Variants in ANKRD62 observed in about 807,000 individuals in gnomAD.
ANKRD62 encodes the protein ankyrin repeat domain 62.
Under a neutral mutation model 98.8 loss-of-function variants are expected in ANKRD62, and 61 were observed. That is an observed-to-expected ratio of 0.62 (90% CI 0.50 to 0.76). The LOEUF is 0.76. Ranked by LOEUF, ANKRD62 falls within the 30% of genes least tolerant of loss-of-function variation. The pLI is 0.00. For missense variants in ANKRD62, 933 were observed against 1,082.9 expected (o/e 0.86, Z 1.94); for synonymous variants, 341 against 367.9 (o/e 0.93, Z 0.84).
chr18:12,136,447 C>T, the ANKRD62 span, among the ~76,000 whole-genome samples: 15 of 152,144 alleles, frequency 9.9e-5, no homozygotes, highest in Non-Finnish European at 1.3e-4. Context: ...GTTACTGTAG[C>T]CTTGTAGCAT....
the ANKRD62 span, among the ~76,000 whole-genome samples, chr18:12,153,859 A>ACT: frequency 6.6e-6 from 1 of 152,232 alleles, no homozygotes; most frequent in South Asian, 2.1e-4. Flanking sequence ...ACTGGGGGAA[A>ACT]GATTCCCTAT....
chr18:12,151,678 C>G, the ANKRD62 span, among the ~76,000 whole-genome samples: 1 of 152,084 alleles, frequency 6.6e-6, no homozygotes, highest in Non-Finnish European at 1.5e-5. Context: ...AATAAATCAA[C>G]CTCACAGCTC....
At chr18:12,169,061 C>T in the ANKRD62 span, among the ~76,000 whole-genome samples, 3 of 152,084 alleles carry the variant, frequency 2.0e-5, no homozygotes, top group Admixed American at 6.6e-5. Flanking sequence ...TCTAAGTATA[C>T]GATCATGTCA....
At chr18:12,109,430 C>T (rs992724650) in intron 8 of ANKRD62, among the ~76,000 whole-genome samples, 12 of 152,276 alleles carry the variant, frequency 7.9e-5, no homozygotes, top group African/African-American at 1.7e-4. Context: ...TGCCATGTCC[C>T]GGGTCTGCAC....
the ANKRD62 span, among the ~76,000 whole-genome samples, chr18:12,157,195 C>T: frequency 6.6e-6 from 1 of 152,168 alleles, no homozygotes; most frequent in Admixed American, 6.5e-5. Context: ...TTCTGCTGGG[C>T]ACTTATTTCA....
At chr18:12,175,853 A>G in the ANKRD62 span, among the ~76,000 whole-genome samples, 1 of 151,922 alleles carries the variant, frequency 6.6e-6, no homozygotes, top group South Asian at 2.1e-4. Context: ...ATTCTCCCCC[A>G]ATAGTTCACT....
intron 6 of ANKRD62, chr18:12,102,655 G>A: frequency 1.1e-6 from 1 of 942,896 alleles, no homozygotes; most frequent in Non-Finnish European, 1.3e-6. Context: ...GTTGAAAAAT[G>A]AAATTTGTCA....
At chr18:12,117,731 A>G (rs1388033602) in intron 10 of ANKRD62, among the ~76,000 whole-genome samples, 1 of 152,108 alleles carries the variant, frequency 6.6e-6, no homozygotes, top group Non-Finnish European at 1.5e-5. Context: ...GATTCTGTGG[A>G]TCTACTGTTT....
Position 12,094,237 on chromosome 18 carries a change from T to C in ANKRD62, c.218+2T>C, listed in dbSNP as rs758164581. 1.3e-6 allele frequency: 2 copies of C among 1,519,724 alleles called. No homozygotes were observed. The highest frequency in any genetic ancestry group is 3.0e-5 in the African/African-American group (2 of 66,856). 94.1% of individuals were successfully genotyped at this position (1,519,724 alleles called of 1,614,324 possible). On this transcript the variant is annotated splice_donor_variant, in intron 1 of 13. Transcript: ENST00000587848. LOFTEE classifies it high-confidence loss of function. ...GAACGACAGGGACAAGAAGAACAGG[T>C]AAGGGGAACAGGAAGCCGGGAGGAG...
chr18:12,103,309 C>A, intron 7 of ANKRD62, 81 bp downstream of exon 7: 1 of 761,994 alleles, frequency 1.3e-6, no homozygotes, highest in South Asian at 6.0e-5. Flanking sequence ...TTGGACTAGC[C>A]TTTTAGAATC....
At chr18:12,153,483 T>C in the ANKRD62 span, among the ~76,000 whole-genome samples, 2 of 150,610 alleles carry the variant, frequency 1.3e-5, no homozygotes, top group African/African-American at 4.9e-5. Flanking sequence ...CCCCAGCTAC[T>C]CAGGAGGCTG....
chr18:12,102,952 C>T (rs377205050), intron 6 of ANKRD62, among the ~76,000 whole-genome samples: 78 of 152,222 alleles, frequency 5.1e-4, no homozygotes, highest in African/African-American at 1.8e-3. Flanking sequence ...CTGGTGACAT[C>T]TGGTGTCTTG....
chr18:12,122,523 C>T lies in ANKRD62; in HGVS notation c.1454+7C>T, dbSNP rs1477335769. ...AAAAGCTCTGTAATTTGAGGTATCA[C>T]ATTCTAGTTTTAAAGAAATATTTCA... On this transcript the variant is annotated splice_region_variant and intron_variant, in intron 11 of 13. Transcript: ENST00000587848. 6.7e-7 allele frequency: 1 copy of T among 1,503,108 alleles called. No homozygotes were observed. Among genetic ancestry groups the T allele is most frequent in the Non-Finnish European group, 8.8e-7 (1 of 1,135,840 alleles). 93.1% of individuals were successfully genotyped at this position (1,503,108 alleles called of 1,614,324 possible).
intron 13 of ANKRD62, among the ~76,000 whole-genome samples, chr18:12,126,809 T>C (rs1422998869): frequency 1.3e-5 from 2 of 152,246 alleles, no homozygotes; most frequent in Non-Finnish European, 2.9e-5. Context: ...ATTTCCCAGA[T>C]GAACTAAAGT....
chr18:12,096,735 G>C (rs1909191040), intron 4 of ANKRD62, among the ~76,000 whole-genome samples: 1 of 152,128 alleles, frequency 6.6e-6, no homozygotes, highest in African/African-American at 2.4e-5. Flanking sequence ...AATTAGAGTT[G>C]AAAATCATTT....
rs1441791269 is a variant in ANKRD62, at chr18:12,128,426, T to A, written c.*487T>A. 6.6e-6 allele frequency: 1 copy of A among 152,336 alleles called. No individual in the cohort carries two copies. Among genetic ancestry groups the A allele is most frequent in the Admixed American group, 6.5e-5 (1 of 15,282 alleles). 9.4% of individuals were successfully genotyped at this position (152,336 alleles called of 1,614,324 possible). A position where few individuals can be genotyped will look rare whatever the true frequency, so the allele number is the denominator to read the frequency against. ...ATATTGGTCTATAGTCAGAGTCATATGACTATGGACAGTTAGCATTTGCCA... is the reference window on the plus strand; with the variant it reads ...ATATTGGTCTATAGTCAGAGTCATAAGACTATGGACAGTTAGCATTTGCCA... On this transcript the variant is annotated 3_prime_UTR_variant, in exon 14 of 14. Coordinates refer to ENST00000587848, the MANE Select transcript of ANKRD62 (RefSeq NM_001277333.2).
At chr18:12,139,328 T>G in the ANKRD62 span, among the ~76,000 whole-genome samples, 1,040 of 152,254 alleles carry the variant, frequency 6.8e-3, 10 homozygotes, top group African/African-American at 0.024. Context: ...GATATGAAAT[T>G]CTGGGTTGAA....
intron 8 of ANKRD62, among the ~76,000 whole-genome samples, chr18:12,112,577 A>G (rs771171521): frequency 1.3e-5 from 2 of 152,248 alleles, no homozygotes; most frequent in Non-Finnish European, 2.9e-5. Flanking sequence ...GATGGATTAA[A>G]GATTTAACTG....
chr18:12,162,381 C>T, the ANKRD62 span, among the ~76,000 whole-genome samples: 2 of 151,856 alleles, frequency 1.3e-5, no homozygotes, highest in East Asian at 3.9e-4. Context: ...GATTTTTTTT[C>T]CTATAGTGTT....
Sources: gnomAD v4.1 joint callset for allele counts (sites outside exome capture counted in the v4.1 genomes callset) on GRCh38, gnomAD v4.1.1 for gene constraint, MANE v1.5 for transcripts, NCBI Gene and HGNC (gene_info 2026-07-23, HGNC 2026-07-21) for gene names.